Variants in FSD1L observed in about 807,000 individuals in gnomAD.
The protein encoded by FSD1L is FSD1-like protein.
FSD1L carries 45 observed loss-of-function variants against 71.6 expected under a neutral mutation model. That is an observed-to-expected ratio of 0.63 (90% CI 0.49 to 0.81). The LOEUF (loss-of-function observed/expected upper bound fraction) is 0.81, where lower values mean the gene tolerates loss of function less well. FSD1L is among the 30% of genes least tolerant of loss of function. The pLI, the probability that FSD1L is intolerant of heterozygous loss-of-function variation, is 0.00. For missense variants in FSD1L, 561 were observed against 618.1 expected, an observed-to-expected ratio of 0.91 and a Z score of 0.98; for synonymous variants, 197 against 207.2, an observed-to-expected ratio of 0.95 and a Z score of 0.42.
At chr9:105,491,241 T>C (rs76517927) in intron 7 of FSD1L, among the ~76,000 whole-genome samples, 83,232 of 149,142 alleles carry the variant, frequency 0.56, 23,674 homozygotes, top group East Asian at 0.7. Flanking sequence ...AAGTTGGATT[T>C]CTAGGTATTT....
At chr9:105,517,311 A>G (rs1285090496) in intron 10 of FSD1L, among the ~76,000 whole-genome samples, 2 of 152,180 alleles carry the variant, frequency 1.3e-5, no homozygotes, top group African/African-American at 2.4e-5. Flanking sequence ...TTCAAATTCA[A>G]GAAATACAGA....
At chr9:105,482,218 ACAG>A (rs1832254999) in intron 6 of FSD1L, among the ~76,000 whole-genome samples, 1 of 152,216 alleles carries the variant, frequency 6.6e-6, no homozygotes, top group Non-Finnish European at 1.5e-5. Flanking sequence ...ACACAGAGGA[ACAG>A]CAGGATTAAG....
chr9:105,523,478 A>G, intron 10 of FSD1L: 1 of 1,612,994 alleles, frequency 6.2e-7, no homozygotes, highest in Non-Finnish European at 8.5e-7. Context: ...TGGGAGATGT[A>G]AATTCAATCA....
intron 7 of FSD1L, among the ~76,000 whole-genome samples, chr9:105,505,291 C>T (rs1471803446): frequency 2.6e-5 from 4 of 152,274 alleles, no homozygotes; most frequent in Admixed American, 6.5e-5. Context: ...GACGGAGTCT[C>T]GCTCTGTTGC....
chr9:105,501,676 C>T (rs1833772981), intron 7 of FSD1L, among the ~76,000 whole-genome samples: 1 of 151,466 alleles, frequency 6.6e-6, no homozygotes, highest in Admixed American at 6.6e-5. Flanking sequence ...TCAAGCCATC[C>T]TCTAGCCATA....
chr9:105,524,076 A>G (rs907652794), intron 10 of FSD1L: 105 of 1,611,256 alleles, frequency 6.5e-5, no homozygotes, highest in Non-Finnish European at 8.6e-5. Context: ...ACTTATAATC[A>G]AAACTGTATT....
intron 4 of FSD1L, among the ~76,000 whole-genome samples, chr9:105,470,916 C>T (rs1831413646): frequency 6.6e-6 from 1 of 152,214 alleles, no homozygotes; most frequent in Non-Finnish European, 1.5e-5. Context: ...ACTGAAAACT[C>T]ATCCTGTGCA....
At chr9:105,519,479 T>G (rs1834970142) in intron 10 of FSD1L, among the ~76,000 whole-genome samples, 1 of 152,204 alleles carries the variant, frequency 6.6e-6, no homozygotes, top group Admixed American at 6.5e-5. Flanking sequence ...ATCCTTAGGA[T>G]GCAAGGCTGG....
chr9:105,534,734 T>C (rs1836152651), intron 11 of FSD1L, 141 bp downstream of exon 11: 2 of 608,384 alleles, frequency 3.3e-6, no homozygotes, highest in Non-Finnish European at 5.7e-6. Context: ...CCTAATTACT[T>C]TGGGGAGTTT....
intron 7 of FSD1L, among the ~76,000 whole-genome samples, chr9:105,494,629 GT>G (rs1179224930): frequency 6.6e-6 from 1 of 152,078 alleles, no homozygotes; most frequent in Non-Finnish European, 1.5e-5. Flanking sequence ...CATCTTTGTG[GT>G]TTTATCTACT....
intron 2 of FSD1L, among the ~76,000 whole-genome samples, chr9:105,462,520 A>ATTTTT (rs773853934): frequency 9.6e-6 from 1 of 104,244 alleles, no homozygotes; most frequent in African/African-American, 3.7e-5. Context: ...TGTGACTGAC[A>ATTTTT]TTTTTTTTTT....
chr9:105,469,734 C>G (rs2131636934), intron 4 of FSD1L, among the ~76,000 whole-genome samples: 1 of 145,710 alleles, frequency 6.9e-6, no homozygotes, highest in African/African-American at 2.5e-5. Flanking sequence ...TTGTAGGCTA[C>G]TTTTTTACTC....
intron 1 of FSD1L, among the ~76,000 whole-genome samples, chr9:105,455,434 A>G (rs532375793): frequency 1.5e-3 from 223 of 151,320 alleles, no homozygotes; most frequent in African/African-American, 4.9e-3. Flanking sequence ...GGACAGGTCT[A>G]TGTGTGGGAT....
At chr9:105,443,978 G>A (rs746168431), upstream of FSD1L, among the ~76,000 whole-genome samples, 3 of 152,146 alleles carry the variant, frequency 2.0e-5, no homozygotes, top group Non-Finnish European at 4.4e-5. Flanking sequence ...CCCAGGCTGG[G>A]TGGCAAATGC....
intron 7 of FSD1L, among the ~76,000 whole-genome samples, chr9:105,498,733 A>T (rs529290963): frequency 1.3e-5 from 2 of 152,268 alleles, no homozygotes; most frequent in African/African-American, 4.8e-5. Context: ...TTAGTTCAAA[A>T]TATTTTAAAA....
In FSD1L at chr9:105,507,669, G is replaced by A. The variant is rs139943502; in HGVS notation, c.797-948G>A. Among the ~76,000 whole-genome samples, 375 of 152,000 alleles carry A rather than the reference G, an allele frequency of 2.5e-3. 2 individuals are homozygous for A. Among genetic ancestry groups the A allele is most frequent in the African/African-American group, 8.2e-3 (342 of 41,460 alleles). The stretch of plus-strand genomic sequence containing the variant: ...TTAAATTCATTTTCACATAAAAAAC[G>A]TTTCATAAATATAAAAATTATTTAG... On this transcript the variant is annotated intron_variant, in intron 8 of 13. Transcript: ENST00000481272.
chr9:105,517,018 TC>T, intron 10 of FSD1L, among the ~76,000 whole-genome samples: 1 of 152,132 alleles, frequency 6.6e-6, no homozygotes, highest in South Asian at 2.1e-4. Context: ...CACGAGAACT[TC>T]GTGAAGCAAA....
chr9:105,449,458 G>A (rs1397761874), intron 1 of FSD1L, among the ~76,000 whole-genome samples: 1 of 152,190 alleles, frequency 6.6e-6, no homozygotes, highest in African/African-American at 2.4e-5. Context: ...TAAAAGAAAT[G>A]ATATTTGAAT....
chr9:105,535,020 C>G lies in FSD1L; in HGVS notation c.1127-47C>G, dbSNP rs1212103175. 3.9e-6 allele frequency: 6 copies of G among 1,544,216 alleles called. No homozygotes were observed. The East Asian group carries it at 1.5e-4, about 38-fold the overall frequency. On this transcript the variant is annotated intron_variant, in intron 11 of 13. Transcript: ENST00000481272. ...ACGAGTGGTAGGTAAAACTGTGTGA[C>G]TCATAAGGAAGAGATGAGTCAAATC...
Sources: gnomAD v4.1 joint callset for allele counts (sites outside exome capture counted in the v4.1 genomes callset) on GRCh38, gnomAD v4.1.1 for gene constraint, MANE v1.5 for transcripts, NCBI Gene and HGNC (gene_info 2026-07-23, HGNC 2026-07-21) for gene names.